The following HIVEP3 variants were observed in gnomAD, a reference collection of about 807,000 sequenced individuals.
HIVEP3 encodes HIVEP zinc finger 3, also known as transcription factor HIVEP3.
Under a neutral mutation model 152.8 loss-of-function variants are expected in HIVEP3, and 49 were observed. That is an observed-to-expected ratio of 0.32 (90% CI 0.26 to 0.41). HIVEP3 has a LOEUF of 0.41. Ranked by LOEUF, HIVEP3 falls within the 10% of genes least tolerant of loss-of-function variation. The pLI is 1.00. For missense variants in HIVEP3, 2,790 were observed against 3,103.3 expected (o/e 0.90, Z 2.40); for synonymous variants, 1,269 against 1,289.0 (o/e 0.98, Z 0.33).
chr1:41,531,482 G>A (rs1643252047), intron 5 of HIVEP3, among the ~76,000 whole-genome samples: 1 of 128,064 alleles, frequency 7.8e-6, no homozygotes, highest in African/African-American at 3.0e-5. Context: ...CAGGGGAGAT[G>A]GAGGACAGGA....
intron 3 of HIVEP3, among the ~76,000 whole-genome samples, chr1:41,608,528 T>C (rs1423323031): frequency 1.3e-5 from 2 of 152,198 alleles, no homozygotes; most frequent in African/African-American, 2.4e-5. Flanking sequence ...TCTGAAGGGC[T>C]CTCAGGGGAG....
rs58470482 is a variant in HIVEP3, at chr1:41,966,475, C to CTTTTTTTTTT, written n.120-47961_120-47952dup. 4.5e-3 allele frequency among the ~76,000 whole-genome samples: 429 copies of CTTTTTTTTTT among 95,762 alleles called. 72 individuals are homozygous for CTTTTTTTTTT. The highest frequency in any genetic ancestry group is 0.016 in the African/African-American group (390 of 24,532). 62.8% of individuals were successfully genotyped at this position (95,762 alleles called of 152,430 possible). Reference sequence around the variant, plus strand: ...TCAAGACCCATCAGTGTGCTGTATTCTTTTTTTTTTTTTTTTGAGATGGAG... The same window carrying CTTTTTTTTTT: ...TCAAGACCCATCAGTGTGCTGTATTCTTTTTTTTTTTTTTTTTTTTTTTTTTGAGATGGAG... On this transcript the variant is annotated intron_variant and non_coding_transcript_variant, in intron 1 of 3. Coordinates refer to the HIVEP3 transcript ENST00000489103.
At chr1:41,886,015 C>G (rs1037754415) in intron 1 of HIVEP3, among the ~76,000 whole-genome samples, 1 of 152,070 alleles carries the variant, frequency 6.6e-6, no homozygotes, top group African/African-American at 2.4e-5. Flanking sequence ...CAGCATGGAC[C>G]CCTTTCAAGG....
Position 41,584,931 on chromosome 1 carries a change from G to T in HIVEP3, c.-134C>A. 1.2e-6 allele frequency: 1 copy of T among 801,170 alleles called. No individual in the cohort carries two copies. The allele number at this position is 801,170 out of a possible 1,614,324, so 49.6% of individuals were successfully genotyped here. On this transcript the variant is annotated 5_prime_UTR_variant, in exon 4 of 9. Coordinates refer to ENST00000372583, the MANE Select transcript of HIVEP3 (RefSeq NM_024503.5). This position sits in a 1 kb window ranked among gnomAD's most constrained non-coding sequence, Gnocchi z 5.2. ...GAGCTGTGGGAGCCAAACCCAAGACGGCTTTGGGAGTTTTTTGCAAGTGTC... is the reference window on the plus strand; with the variant it reads ...GAGCTGTGGGAGCCAAACCCAAGACTGCTTTGGGAGTTTTTTGCAAGTGTC...
At chr1:41,653,505 C>G (rs1645582709) in intron 2 of HIVEP3, among the ~76,000 whole-genome samples, 1 of 152,110 alleles carries the variant, frequency 6.6e-6, no homozygotes. Flanking sequence ...CACTTGTGGT[C>G]TACAAACACA....
intron 3 of HIVEP3, among the ~76,000 whole-genome samples, chr1:41,624,118 T>C (rs1645083764): frequency 1.3e-5 from 2 of 152,286 alleles, no homozygotes; most frequent in Admixed American, 1.3e-4. Flanking sequence ...TTTCCACTAC[T>C]GACTGCACTC....
chr1:41,783,187 TG>T (rs1197456356), intron 1 of HIVEP3, among the ~76,000 whole-genome samples: 1 of 152,060 alleles, frequency 6.6e-6, no homozygotes, highest in East Asian at 1.9e-4. Context: ...AGGAGAAACA[TG>T]GTAAGCCCTT....
At chr1:41,861,376 G>C (rs764881903) in intron 1 of HIVEP3, among the ~76,000 whole-genome samples, 3 of 152,242 alleles carry the variant, frequency 2.0e-5, no homozygotes, top group Non-Finnish European at 4.4e-5. Context: ...TAACCAAGGA[G>C]ATGAGATTCA....
intron 2 of HIVEP3, among the ~76,000 whole-genome samples, chr1:41,681,654 C>A (rs938341180): frequency 6.6e-6 from 1 of 152,170 alleles, no homozygotes; most frequent in Non-Finnish European, 1.5e-5. Context: ...AATGGTGCAG[C>A]GCTGGCCTGG....
chr1:41,995,768 A>C (rs1284925262), intron 1 of HIVEP3, among the ~76,000 whole-genome samples: 1 of 152,190 alleles, frequency 6.6e-6, no homozygotes, highest in Non-Finnish European at 1.5e-5. Context: ...TTTTGAAGTA[A>C]TTTTAGACTT....
At chr1:42,005,777 T>C (rs1448273855) in intron 1 of HIVEP3, among the ~76,000 whole-genome samples, 1 of 152,222 alleles carries the variant, frequency 6.6e-6, no homozygotes, top group African/African-American at 2.4e-5. Flanking sequence ...AATACTTTCT[T>C]TCAAATAAAG....
intron 1 of HIVEP3, among the ~76,000 whole-genome samples, chr1:41,783,288 A>G (rs939799364): frequency 3.3e-5 from 5 of 152,218 alleles, no homozygotes; most frequent in African/African-American, 1.2e-4. Flanking sequence ...AGGCTGGCAG[A>G]GAGGATTCAT....
intron 5 of HIVEP3, among the ~76,000 whole-genome samples, chr1:41,535,048 A>G (rs1046311254): frequency 2.0e-5 from 3 of 152,046 alleles, no homozygotes; most frequent in African/African-American, 7.2e-5. Context: ...CAACCATTTT[A>G]CCATCGTCCC....
intron 1 of HIVEP3, among the ~76,000 whole-genome samples, chr1:41,970,466 A>G (rs1313440680): frequency 6.6e-6 from 1 of 152,178 alleles, no homozygotes. Flanking sequence ...ATATTATCTT[A>G]TAAGTGGGAG....
At chr1:41,696,388 G>T (rs1318831996) in intron 2 of HIVEP3, among the ~76,000 whole-genome samples, 1 of 152,262 alleles carries the variant, frequency 6.6e-6, no homozygotes, top group Admixed American at 6.5e-5. Context: ...GAGCTGGCTT[G>T]TTCTCTAAGA....
At chr1:41,836,439 T>G (rs1262605094) in intron 1 of HIVEP3, among the ~76,000 whole-genome samples, 1 of 152,218 alleles carries the variant, frequency 6.6e-6, no homozygotes, top group Non-Finnish European at 1.5e-5. Flanking sequence ...ACAAGGGACA[T>G]GCTGCAGTTC....
chr1:41,755,608 C>CAA lies in HIVEP3; in HGVS notation c.-800-54615_-800-54614dup, dbSNP rs35879725. On this transcript the variant is annotated intron_variant, in intron 1 of 8. Transcript: ENST00000372583. Reference sequence around the variant, plus strand: ...CAAAGAACTCTCAAAACACAGCAGTCAAAAAAAAAAAAACACCCAAAACAA... The same window carrying CAA: ...CAAAGAACTCTCAAAACACAGCAGTCAAAAAAAAAAAAAAACACCCAAAACAA... Among the ~76,000 whole-genome samples the CAA allele has an allele frequency of 1.8e-4, 26 of 143,444 alleles. No individual in the cohort carries two copies. In the East Asian group the frequency reaches 5.2e-3, roughly 29 times the overall value. The allele number at this position is 143,444 out of a possible 152,430, so 94.1% of individuals were successfully genotyped here. A position where few individuals can be genotyped will look rare whatever the true frequency, so the allele number is the denominator to read the frequency against.
intron 2 of HIVEP3, among the ~76,000 whole-genome samples, chr1:41,635,489 T>TATATATATATAC (rs151222285): frequency 6.8e-6 from 1 of 147,436 alleles, no homozygotes; most frequent in Non-Finnish European, 1.5e-5. Flanking sequence ...TATATATATA[T>TATATATATATAC]ACACACACAT....
chr1:41,975,855 G>A (rs1645256284), intron 1 of HIVEP3, among the ~76,000 whole-genome samples: 1 of 152,174 alleles, frequency 6.6e-6, no homozygotes, highest in African/African-American at 2.4e-5. Flanking sequence ...GGAGAGGTGT[G>A]CTTTTGGAGG....
Sources: gnomAD v4.1 joint callset for allele counts (sites outside exome capture counted in the v4.1 genomes callset) on GRCh38, gnomAD v4.1.1 for gene constraint, Gnocchi (gnomAD v3.1) non-coding constraint, MANE v1.5 for transcripts, NCBI Gene and HGNC (gene_info 2026-07-23, HGNC 2026-07-21) for gene names.